CYP46A1: variants seen among roughly 807,000 people sequenced by gnomAD.
CYP46A1 encodes cytochrome P450 family 46 subfamily A member 1, also known as cholesterol 24-hydroxylase.
Under a neutral mutation model 63.3 loss-of-function variants are expected in CYP46A1, and 20 were observed. That is an observed-to-expected ratio of 0.32 (90% CI 0.22 to 0.46). The LOEUF (loss-of-function observed/expected upper bound fraction) is 0.46. Among genes scored for constraint, CYP46A1 ranks in the 20% least tolerant of loss-of-function variants. CYP46A1 has a pLI of 1.00. For synonymous variants in CYP46A1, 268 were observed against 273.6 expected (o/e 0.98, Z 0.20); for missense variants, 445 against 670.8 (o/e 0.66, Z 3.72).
intron 10 of CYP46A1, among the ~76,000 whole-genome samples, chr14:99,720,150 G>A (rs1450160216): frequency 6.6e-6 from 1 of 152,126 alleles, no homozygotes; most frequent in Admixed American, 6.5e-5. Flanking sequence ...ATGGGTACCT[G>A]GGTTGCTCCT....
rs777426743 is a variant in CYP46A1 at position 99,706,745 on chromosome 14, A to T, written c.542A>T (p.Gln181Leu). 6.2e-7 allele frequency: 1 copy of T among 1,613,562 alleles called. No homozygotes were observed. Among genetic ancestry groups the T allele is most frequent in the South Asian group, 1.1e-5 (1 of 91,034 alleles). The change falls in exon 6 of 15, where the codon CAG becomes CTG. Residue 181 changes from glutamine to leucine, a missense_variant. Physicochemically the swap from Gln to Leu is moderately radical, Grantham distance 113 (BLOSUM62 -2). Transcript: ENST00000261835. Reference protein sequence around the residue: ...KADGQTPVSMQDMLTYTAMDI... With the variant: ...KADGQTPVSMLDMLTYTAMDI... The stretch of plus-strand genomic sequence containing the variant: ...GATGGGCAGACCCCAGTGTCCATGC[A>T]GGACATGCTGACCTACACCGCCATG...
At chr14:99,703,959 A>T in intron 5 of CYP46A1, 1 of 818,386 alleles carries the variant, frequency 1.2e-6, no homozygotes, top group Non-Finnish European at 1.5e-6. Flanking sequence ...AGGGTTGCAA[A>T]GGCCAGCCAA....
At chr14:99,720,415 G>GGAT (rs2056835094) in intron 10 of CYP46A1, among the ~76,000 whole-genome samples, 2 of 151,594 alleles carry the variant, frequency 1.3e-5, no homozygotes, top group South Asian at 4.2e-4. Context: ...GTGTTTATTG[G>GGAT]GATGAGAACC....
intron 5 of CYP46A1, among the ~76,000 whole-genome samples, chr14:99,705,321 C>G (rs1465360167): frequency 6.6e-6 from 1 of 152,230 alleles, no homozygotes; most frequent in African/African-American, 2.4e-5. Flanking sequence ...GATCCTCCGG[C>G]CTCAGCCTTT....
At chr14:99,685,767 T>C (rs1008824470) in intron 1 of CYP46A1, among the ~76,000 whole-genome samples, 14 of 151,876 alleles carry the variant, frequency 9.2e-5, no homozygotes, top group African/African-American at 3.4e-4. Context: ...CTGTGGCTGG[T>C]GACATAGGGA....
At chr14:99,698,152 T>A (rs1461975793) in intron 3 of CYP46A1, among the ~76,000 whole-genome samples, 1 of 151,962 alleles carries the variant, frequency 6.6e-6, no homozygotes, top group Non-Finnish European at 1.5e-5. Context: ...AGCACCTGGG[T>A]TAACCGATAG....
Position 99,722,587 on chromosome 14 carries a change from T to A in CYP46A1, c.1176+521T>A, listed in dbSNP as rs1299115426. Among the ~76,000 whole-genome samples, 2 of 151,576 alleles carry A rather than the reference T, an allele frequency of 1.3e-5. No homozygotes were observed. Among genetic ancestry groups the A allele is most frequent in the African/African-American group, 4.8e-5 (2 of 41,320 alleles). ...CCCAAACCAGGAAACTAGGATATAG[T>A]CACTCCCTGCTCCGCTGACAAGGAA... On this transcript the variant is annotated intron_variant, in intron 12 of 14. Transcript: ENST00000261835. The surrounding 1 kb of genome is among the most constrained non-coding windows in gnomAD (Gnocchi z 4.6).
chr14:99,706,895 C>A, intron 6 of CYP46A1, 110 bp downstream of exon 6: 8 of 1,298,176 alleles, frequency 6.2e-6, no homozygotes, highest in Non-Finnish European at 8.3e-6. Context: ...CTCTAACATA[C>A]CAGCAATTCC....
chr14:99,715,801 C>CT lies in CYP46A1; in HGVS notation c.694-7dup. 6.2e-7 allele frequency: 1 copy of CT among 1,614,124 alleles called. No homozygotes were observed. Among genetic ancestry groups the CT allele is most frequent in the South Asian group, 1.1e-5 (1 of 91,074 alleles). On this transcript the variant is annotated splice_polypyrimidine_tract_variant and intron_variant, in intron 7 of 14. Coordinates refer to ENST00000261835, the MANE Select transcript of CYP46A1 (RefSeq NM_006668.2). ...CACTTGGCCATCTGGAGCTGAAACT[C>CT]TTGTTTAGTTCCTGCCAGGGAAGAG...
chr14:99,695,913 G>A (rs2056583821), intron 3 of CYP46A1, among the ~76,000 whole-genome samples: 2 of 152,122 alleles, frequency 1.3e-5, no homozygotes, highest in South Asian at 4.2e-4. Context: ...TTACAGGCGT[G>A]AGCCACCATG....
intron 3 of CYP46A1, chr14:99,693,647 TTCC>T (rs1410561447): frequency 6.6e-6 from 1 of 152,228 alleles, no homozygotes; most frequent in Non-Finnish European, 1.5e-5. Flanking sequence ...AAGTGGTAAC[TTCC>T]TCCTCTATCT....
At chr14:99,711,662 G>A (rs769629125) in intron 7 of CYP46A1, 22 of 152,140 alleles carry the variant, frequency 1.4e-4, no homozygotes, top group Admixed American at 9.2e-4. Context: ...AGAAAAGCCC[G>A]TGACCAGATG....
intron 5 of CYP46A1, 117 bp downstream of exon 5, chr14:99,700,218 AG>A (rs1169700504): frequency 1.7e-6 from 1 of 589,452 alleles, no homozygotes; most frequent in African/African-American, 1.9e-5. Flanking sequence ...CCTCAGCTGA[AG>A]GGAGAGAGGA....
At chr14:99,713,437 CAAA>C (rs35267715) in intron 7 of CYP46A1, 4,578 of 144,708 alleles carry the variant, frequency 0.032, 224 homozygotes, top group African/African-American at 0.1. Context: ...GACTACATCT[CAAA>C]AAAAAAAAAA....
At position 99,725,667 on chromosome 14, in the gene CYP46A1, G is replaced by A. The variant is rs900515326; in HGVS notation, c.1265+188G>A. 4.6e-5 allele frequency among the ~76,000 whole-genome samples: 7 copies of A among 152,148 alleles called. No individual in the cohort carries two copies. The highest frequency in any genetic ancestry group is 7.3e-5 in the Non-Finnish European group (5 of 68,030). The stretch of plus-strand genomic sequence containing the variant: ...GCCCAAGTGGCAGAGCAGGGGTCTG[G>A]CCCCAGCTCAGTCTGGTTCTAAAGC... On this transcript the variant is annotated intron_variant, in intron 13 of 14. Transcript: ENST00000261835. This position sits in a 1 kb window ranked among gnomAD's most constrained non-coding sequence, Gnocchi z 4.2.
At chr14:99,720,330 C>G (rs2056834278) in intron 10 of CYP46A1, among the ~76,000 whole-genome samples, 1 of 152,166 alleles carries the variant, frequency 6.6e-6, no homozygotes. Context: ...TCCATAACGG[C>G]TGAACCATTT....
At chr14:99,706,308 C>A in intron 5 of CYP46A1, 1 of 215,732 alleles carries the variant, frequency 4.6e-6, no homozygotes, top group Non-Finnish European at 9.3e-6. Flanking sequence ...GGATTGCCCT[C>A]TCATGGACTG....
chr14:99,714,026 C>G (rs1011971943), intron 7 of CYP46A1, among the ~76,000 whole-genome samples: 1 of 151,862 alleles, frequency 6.6e-6, no homozygotes, highest in South Asian at 2.1e-4. Context: ...ACAAGGAACA[C>G]AACAGCAAAA....
chr14:99,700,673 G>A (rs528613855), intron 5 of CYP46A1, among the ~76,000 whole-genome samples: 2 of 152,322 alleles, frequency 1.3e-5, no homozygotes, highest in South Asian at 4.1e-4. Flanking sequence ...TCTAGCAGAT[G>A]CAATTATGGA....
Sources: gnomAD v4.1 joint callset for allele counts (sites outside exome capture counted in the v4.1 genomes callset) on GRCh38, gnomAD v4.1.1 for gene constraint, Gnocchi (gnomAD v3.1) non-coding constraint, MANE v1.5 for transcripts, NCBI Gene and HGNC (gene_info 2026-07-23, HGNC 2026-07-21) for gene names.